Variants in TTC28 observed in about 807,000 individuals in gnomAD.
The protein encoded by TTC28 is tetratricopeptide repeat protein 28.
Under a neutral mutation model 198.0 loss-of-function variants are expected in TTC28, and 61 were observed. The ratio of observed to expected loss-of-function variants is 0.31; its 90% CI spans 0.25 to 0.38. The LOEUF (loss-of-function observed/expected upper bound fraction) is 0.38. TTC28 is among the 10% of genes least tolerant of loss of function. The pLI is 1.00. For missense variants in TTC28, 2,678 were observed against 3,164.0 expected (o/e 0.85, Z 3.69); for synonymous variants, 1,171 against 1,297.8 (o/e 0.90, Z 2.10).
intron 2 of TTC28, among the ~76,000 whole-genome samples, chr22:28,567,475 CATACATATATATATATATATAT>C (rs2049991627): frequency 7.3e-5 from 1 of 13,776 alleles, no homozygotes; most frequent in African/African-American, 3.1e-4. Flanking sequence ...CATATACATA[CATACATATATATATATATATAT>C]ATATATATAT....
chr22:28,547,417 T>C (rs1395624414), intron 2 of TTC28, among the ~76,000 whole-genome samples: 4 of 152,218 alleles, frequency 2.6e-5, no homozygotes, highest in African/African-American at 7.2e-5. Context: ...TACAAGACTC[T>C]ACACTTAATT....
chr22:28,123,456 C>T (rs1047917329), intron 6 of TTC28, among the ~76,000 whole-genome samples: 5 of 151,874 alleles, frequency 3.3e-5, no homozygotes, highest in Non-Finnish European at 7.4e-5. Context: ...GGGGTTTCAC[C>T]ATGTTGGCCA....
rs765459260 is a variant in TTC28 at position 28,409,577 on chromosome 22, CAT to C, written c.382-102936_382-102935del. Among the ~76,000 whole-genome samples the C allele has an allele frequency of 4.0e-5, 6 of 148,962 alleles. No individual in the cohort carries two copies. The South Asian group carries it at 6.3e-4, about 16-fold the overall frequency. ...ATATGTGTTTATATGTTATATATAA[CAT>C]ATATAAAAAACATATATGGAAACAT... On this transcript the variant is annotated intron_variant, in intron 2 of 22. Coordinates refer to ENST00000397906, the MANE Select transcript of TTC28 (RefSeq NM_001145418.2).
intron 5 of TTC28, among the ~76,000 whole-genome samples, chr22:28,271,744 AC>A: frequency 6.6e-6 from 1 of 152,146 alleles, no homozygotes; most frequent in Middle Eastern, 3.4e-3. Context: ...AGCTAGGATT[AC>A]AGGTGCCCGC....
chr22:28,042,352 T>A (rs1029844612), intron 12 of TTC28, among the ~76,000 whole-genome samples: 3 of 152,116 alleles, frequency 2.0e-5, no homozygotes, highest in African/African-American at 7.3e-5. Flanking sequence ...AATGATAGAC[T>A]GGATTAAGAA....
intron 2 of TTC28, among the ~76,000 whole-genome samples, chr22:28,489,437 T>C (rs1050594443): frequency 6.6e-6 from 1 of 152,174 alleles, no homozygotes; most frequent in African/African-American, 2.4e-5. Flanking sequence ...CCTGAAAGCA[T>C]TTTAGAATTG....
chr22:28,412,694 G>A (rs2047100492), intron 2 of TTC28, among the ~76,000 whole-genome samples: 1 of 152,132 alleles, frequency 6.6e-6, no homozygotes, highest in Non-Finnish European at 1.5e-5. Flanking sequence ...GTTTGTTAGT[G>A]TACTGTTCTT....
intron 12 of TTC28, among the ~76,000 whole-genome samples, chr22:28,072,401 C>A (rs547881127): frequency 6.6e-6 from 1 of 152,320 alleles, no homozygotes; most frequent in South Asian, 2.1e-4. Context: ...ACTGCTAAGT[C>A]GTCATCTGGC....
intron 2 of TTC28, among the ~76,000 whole-genome samples, chr22:28,498,220 T>C (rs2048483814): frequency 6.6e-6 from 1 of 151,586 alleles, no homozygotes; most frequent in South Asian, 2.1e-4. Context: ...ATGAGGAGCC[T>C]ATCTTCCTTT....
At chr22:28,450,943 G>C (rs1338367014) in intron 2 of TTC28, among the ~76,000 whole-genome samples, 1 of 152,176 alleles carries the variant, frequency 6.6e-6, no homozygotes, top group East Asian at 1.9e-4. Flanking sequence ...TACAGGGCAG[G>C]AAAGGGATCC....
chr22:28,423,433 A>C (rs2047294886), intron 2 of TTC28, among the ~76,000 whole-genome samples: 3 of 152,190 alleles, frequency 2.0e-5, no homozygotes, highest in South Asian at 4.2e-4. Context: ...ACAACAACAA[A>C]AACAAATTTG....
chr22:28,259,931 T>C (rs1460227938), intron 5 of TTC28, among the ~76,000 whole-genome samples: 2 of 152,154 alleles, frequency 1.3e-5, no homozygotes, highest in African/African-American at 4.8e-5. Flanking sequence ...AGAAAGTCAG[T>C]TTTCAGCTCC....
chr22:28,386,440 G>T (rs998709050), intron 2 of TTC28, among the ~76,000 whole-genome samples: 6 of 152,092 alleles, frequency 3.9e-5, no homozygotes, highest in Admixed American at 1.3e-4. Context: ...TTAGTACAGT[G>T]CTGTGCAATC....
At chr22:28,323,081 T>C (rs2045472193) in intron 2 of TTC28, among the ~76,000 whole-genome samples, 1 of 152,214 alleles carries the variant, frequency 6.6e-6, no homozygotes, top group Non-Finnish European at 1.5e-5. Flanking sequence ...TCTTACAGGT[T>C]TCAGGGATTA....
chr22:28,408,128 G>T (rs1370647804), intron 2 of TTC28, among the ~76,000 whole-genome samples: 1 of 151,544 alleles, frequency 6.6e-6, no homozygotes, highest in East Asian at 1.9e-4. Context: ...AAGATACTAG[G>T]AAGCCGACTT....
At chr22:28,368,942 A>G (rs1400633756) in intron 2 of TTC28, among the ~76,000 whole-genome samples, 1 of 152,158 alleles carries the variant, frequency 6.6e-6, no homozygotes, top group East Asian at 1.9e-4. Flanking sequence ...ATAAGAATCA[A>G]TATTGTTAAA....
At chr22:28,403,563 C>T (rs538116808) in intron 2 of TTC28, among the ~76,000 whole-genome samples, 94 of 152,186 alleles carry the variant, frequency 6.2e-4, no homozygotes, top group Non-Finnish European at 1.2e-3. Context: ...CTGATGTCTC[C>T]ATGAAGGCTC....
intron 1 of TTC28, among the ~76,000 whole-genome samples, chr22:28,662,542 A>G (rs2051765275): frequency 1.3e-5 from 2 of 152,206 alleles, no homozygotes; most frequent in Non-Finnish European, 2.9e-5. Flanking sequence ...AATATATGTA[A>G]AGTATTTAAA....
intron 5 of TTC28, among the ~76,000 whole-genome samples, chr22:28,200,743 A>G (rs919630243): frequency 1.3e-5 from 2 of 152,166 alleles, no homozygotes; most frequent in Admixed American, 1.3e-4. Flanking sequence ...CAGAATGGAC[A>G]GAATGTCAAG....
Sources: allele counts gnomAD v4.1 joint callset (sites outside exome capture counted in the v4.1 genomes callset), GRCh38; gene constraint gnomAD v4.1.1; transcripts MANE v1.5; gene names NCBI Gene and HGNC (gene_info 2026-07-23, HGNC 2026-07-21).